The following SCMH1 variants were observed in gnomAD, a reference collection of about 807,000 sequenced individuals.
The protein encoded by SCMH1 is polycomb protein SCMH1.
SCMH1 carries 37 observed loss-of-function variants against 70.8 expected under a neutral mutation model. The ratio of observed to expected loss-of-function variants is 0.52; its 90% confidence interval spans 0.40 to 0.69. The LOEUF is 0.69. SCMH1 is among the 30% of genes least tolerant of loss of function. The probability of loss-of-function intolerance (pLI) is 0.00; values close to 1 mark genes in which losing one functional copy is unlikely to be tolerated. For missense variants in SCMH1, 607 were observed against 827.3 expected, an observed-to-expected ratio of 0.73 and a Z score of 3.27; for synonymous variants, 292 against 307.4, an observed-to-expected ratio of 0.95 and a Z score of 0.52.
At chr1:41,139,450 G>C (rs1643859198) in intron 6 of SCMH1, among the ~76,000 whole-genome samples, 1 of 152,098 alleles carries the variant, frequency 6.6e-6, no homozygotes, top group African/African-American at 2.4e-5. Flanking sequence ...ATAAGTTATG[G>C]GTGGATTGTT....
At chr1:41,082,668 CA>C (rs780180102) in intron 8 of SCMH1, among the ~76,000 whole-genome samples, 2 of 151,850 alleles carry the variant, frequency 1.3e-5, no homozygotes, top group African/African-American at 4.8e-5. Flanking sequence ...AGAGACACAA[CA>C]AAAAAAGAGA....
intron 6 of SCMH1, among the ~76,000 whole-genome samples, chr1:41,128,038 T>C (rs746228552): frequency 1.1e-4 from 17 of 152,202 alleles, no homozygotes; most frequent in Non-Finnish European, 1.9e-4. Context: ...AATTTTCATA[T>C]ACAGTCAGAT....
intron 1 of SCMH1, among the ~76,000 whole-genome samples, chr1:41,237,680 C>T (rs1662668620): frequency 6.6e-6 from 1 of 152,120 alleles, no homozygotes; most frequent in Admixed American, 6.5e-5. Flanking sequence ...CTATGCTTTC[C>T]CTATTTTATA....
At chr1:41,074,691 AAAATTTGTTTC>A (rs924820080) in intron 9 of SCMH1, among the ~76,000 whole-genome samples, 19 of 152,324 alleles carry the variant, frequency 1.2e-4, no homozygotes, top group Admixed American at 3.3e-4. Flanking sequence ...TTTCAAAGTT[AAAATTTGTTTC>A]CTATCCTCCC....
rs766881945 is a variant in SCMH1, at chr1:41,151,599, T to C, written c.177+15A>G. 6 of 1,594,938 alleles carry C rather than the reference T, an allele frequency of 3.8e-6. No homozygotes were observed. Among genetic ancestry groups the C allele is most frequent in the Admixed American group, 1.7e-5 (1 of 58,284 alleles). ...ACTTATCTTCCACCTACTAAAGATG[T>C]TGAAAATCAATTACCTGCTTGAAGC... On this transcript the variant is annotated intron_variant, in intron 5 of 14. Transcript: ENST00000337495.
chr1:41,196,399 A>T (rs1653031721), intron 1 of SCMH1, among the ~76,000 whole-genome samples: 1 of 152,206 alleles, frequency 6.6e-6, no homozygotes, highest in African/African-American at 2.4e-5. Flanking sequence ...CAGAGAGCTC[A>T]AAAATAGTTA....
intron 6 of SCMH1, among the ~76,000 whole-genome samples, chr1:41,130,578 T>G (rs1217036084): frequency 6.6e-6 from 1 of 152,156 alleles, no homozygotes; most frequent in Non-Finnish European, 1.5e-5. Context: ...TGCATGTGTA[T>G]ATGTCATTTT....
intron 2 of SCMH1, among the ~76,000 whole-genome samples, chr1:41,161,845 T>C (rs968260807): frequency 1.3e-5 from 2 of 152,260 alleles, no homozygotes; most frequent in Non-Finnish European, 2.9e-5. Context: ...AGTTATGGGC[T>C]CAACTGTATC....
intron 10 of SCMH1, among the ~76,000 whole-genome samples, chr1:41,054,971 C>A (rs998297879): frequency 6.6e-6 from 1 of 152,064 alleles, no homozygotes; most frequent in African/African-American, 2.4e-5. Context: ...GTTGTAGAGA[C>A]GGGTTCTCAC....
chr1:41,110,527 T>C (rs970798403), intron 8 of SCMH1, among the ~76,000 whole-genome samples: 1 of 152,254 alleles, frequency 6.6e-6, no homozygotes, highest in Non-Finnish European at 1.5e-5. Flanking sequence ...ACATTTCATA[T>C]AAATGTAATC....
intron 1 of SCMH1, among the ~76,000 whole-genome samples, chr1:41,238,988 T>A (rs1211629214): frequency 2.0e-5 from 3 of 152,186 alleles, no homozygotes; most frequent in Admixed American, 1.3e-4. Context: ...CACCTGCACA[T>A]ACAATCAATC....
chr1:41,194,198 C>T (rs1652437454), intron 1 of SCMH1, among the ~76,000 whole-genome samples: 1 of 152,132 alleles, frequency 6.6e-6, no homozygotes, highest in African/African-American at 2.4e-5. Flanking sequence ...GTAAAAACTG[C>T]AGAATAAAAT....
At chr1:41,117,216 C>A (rs551101281) in intron 6 of SCMH1, among the ~76,000 whole-genome samples, 1 of 151,974 alleles carries the variant, frequency 6.6e-6, no homozygotes, top group East Asian at 1.9e-4. Context: ...TAGTTTGTAG[C>A]AATTATTCTT....
At chr1:41,241,900 A>AC (rs960980130) in intron 1 of SCMH1, among the ~76,000 whole-genome samples, 159 bp downstream of exon 1, 3 of 151,624 alleles carry the variant, frequency 2.0e-5, no homozygotes, top group Admixed American at 6.6e-5. Flanking sequence ...CCCCGCGCGG[A>AC]CCACAGACTG....
intron 1 of SCMH1, among the ~76,000 whole-genome samples, chr1:41,207,513 C>A (rs1573063809): frequency 6.6e-6 from 1 of 152,122 alleles, no homozygotes; most frequent in Non-Finnish European, 1.5e-5. Context: ...TATATGTATC[C>A]AATACAGGAG....
intron 10 of SCMH1, among the ~76,000 whole-genome samples, chr1:41,051,145 T>C (rs1442971439): frequency 2.0e-5 from 3 of 152,190 alleles, no homozygotes; most frequent in African/African-American, 4.8e-5. Flanking sequence ...GCAGACTGCA[T>C]ATATGACAGT....
At chr1:41,223,977 G>T (rs1378482058) in intron 1 of SCMH1, among the ~76,000 whole-genome samples, 2 of 151,988 alleles carry the variant, frequency 1.3e-5, no homozygotes, top group African/African-American at 4.8e-5. Context: ...GGATGATCCA[G>T]CCCTTGCCTA....
intron 6 of SCMH1, among the ~76,000 whole-genome samples, chr1:41,119,615 T>A (rs899375212): frequency 2.7e-4 from 41 of 152,142 alleles, no homozygotes; most frequent in Admixed American, 2.2e-3. Flanking sequence ...GTTAGGCCAG[T>A]TGTTTTTTGA....
chr1:41,181,417 C>A (rs1343644902), intron 2 of SCMH1, among the ~76,000 whole-genome samples: 8 of 152,114 alleles, frequency 5.3e-5, no homozygotes, highest in Admixed American at 2.0e-4. Context: ...AGGCAACCTA[C>A]AGAATGGGAG....
Sources: allele counts gnomAD v4.1 joint callset (sites outside exome capture counted in the v4.1 genomes callset), GRCh38; gene constraint gnomAD v4.1.1; transcripts MANE v1.5; gene names NCBI Gene and HGNC (gene_info 2026-07-23, HGNC 2026-07-21).